The following COMMD1 variants were observed in gnomAD, a reference collection of about 807,000 sequenced individuals.
COMMD1 encodes COMM domain-containing protein 1.
COMMD1 carries 10 observed loss-of-function variants against 17.2 expected under a neutral mutation model. The ratio of observed to expected loss-of-function variants is 0.58; its 90% confidence interval spans 0.36 to 0.99. The LOEUF (loss-of-function observed/expected upper bound fraction) is 0.99. COMMD1 is among the 50% of genes least tolerant of loss of function. COMMD1 has a pLI of 0.01. For synonymous variants in COMMD1, 97 were observed against 91.6 expected (o/e 1.06, Z -0.34); for missense variants, 270 against 231.8 (o/e 1.17, Z -1.07).
chr2:62,048,631 A>T (rs999537081), intron 2 of COMMD1, among the ~76,000 whole-genome samples: 2 of 152,090 alleles, frequency 1.3e-5, no homozygotes, highest in African/African-American at 4.8e-5. Context: ...ATTGTATGGT[A>T]AAGTTTATAC....
chr2:62,063,290 AG>A (rs1238505714), intron 2 of COMMD1, among the ~76,000 whole-genome samples: 3 of 152,114 alleles, frequency 2.0e-5, no homozygotes, highest in African/African-American at 7.2e-5. Context: ...CTCAGCTACT[AG>A]GGAGCCTGAG....
At chr2:62,096,969 G>A (rs545819269) in intron 2 of COMMD1, among the ~76,000 whole-genome samples, 4 of 152,288 alleles carry the variant, frequency 2.6e-5, no homozygotes, top group South Asian at 4.1e-4. Flanking sequence ...GAGTAGCCCT[G>A]GGGTAAGACT....
At chr2:62,050,462 A>T (rs146131318) in intron 2 of COMMD1, among the ~76,000 whole-genome samples, 5 of 152,354 alleles carry the variant, frequency 3.3e-5, no homozygotes, top group Non-Finnish European at 7.4e-5. Context: ...TTCTTAAAAC[A>T]CTGTATGCAT....
At chr2:62,074,458 A>G (rs989602974) in intron 2 of COMMD1, among the ~76,000 whole-genome samples, 2 of 152,234 alleles carry the variant, frequency 1.3e-5, no homozygotes, top group South Asian at 2.1e-4. Context: ...AGGGCCCACC[A>G]TGAATAACAA....
chr2:62,030,495 C>T (rs940717374), intron 2 of COMMD1, among the ~76,000 whole-genome samples: 1 of 152,168 alleles, frequency 6.6e-6, no homozygotes, highest in Non-Finnish European at 1.5e-5. Context: ...AGCACCCCCT[C>T]CACCAATTGT....
intron 2 of COMMD1, among the ~76,000 whole-genome samples, chr2:62,116,438 G>A (rs6725188): frequency 0.052 from 7,952 of 152,134 alleles, 708 homozygotes; most frequent in African/African-American, 0.18. Flanking sequence ...TTGGGAGGCC[G>A]AGGCAGGCGG....
chr2:62,005,480 T>C (rs945533457), intron 2 of COMMD1, among the ~76,000 whole-genome samples: 39 of 152,072 alleles, frequency 2.6e-4, no homozygotes, highest in Non-Finnish European at 2.8e-4. Context: ...GAATCTACAA[T>C]GAACTCAAAC....
chr2:61,918,023 T>G (rs1317300075), intron 1 of COMMD1, among the ~76,000 whole-genome samples: 1 of 152,172 alleles, frequency 6.6e-6, no homozygotes, highest in Admixed American at 6.6e-5. Context: ...AGTAATTCTG[T>G]TTTTCTACTG....
At chr2:62,064,654 A>G (rs1378383458) in intron 2 of COMMD1, among the ~76,000 whole-genome samples, 1 of 152,034 alleles carries the variant, frequency 6.6e-6, no homozygotes, top group Non-Finnish European at 1.5e-5. Flanking sequence ...GCCCTCAGGT[A>G]TTGTCTTCTG....
intron 2 of COMMD1, among the ~76,000 whole-genome samples, chr2:62,098,074 A>G (rs1163459581): frequency 6.6e-6 from 1 of 151,556 alleles, no homozygotes; most frequent in African/African-American, 2.4e-5. Flanking sequence ...TCTGGGGACC[A>G]TGGGACCCTT....
chr2:61,891,453 T>C (rs1183458439), intron 1 of COMMD1, among the ~76,000 whole-genome samples: 1 of 152,190 alleles, frequency 6.6e-6, no homozygotes, highest in South Asian at 2.1e-4. Flanking sequence ...AACCTAAACA[T>C]GGCCGGGCGT....
chr2:61,894,060 A>G (rs1334557304), intron 1 of COMMD1, among the ~76,000 whole-genome samples: 2 of 152,154 alleles, frequency 1.3e-5, no homozygotes, highest in Admixed American at 1.3e-4. Flanking sequence ...CAACATAGCA[A>G]AACCCCATCA....
chr2:61,976,807 A>G (rs1243038504), intron 1 of COMMD1, among the ~76,000 whole-genome samples: 3 of 152,136 alleles, frequency 2.0e-5, no homozygotes, highest in African/African-American at 7.2e-5. Context: ...ATGCATTGTA[A>G]CAAATGTACC....
At chr2:61,915,803 G>A (rs1281165075) in intron 1 of COMMD1, 3 of 361,532 alleles carry the variant, frequency 8.3e-6, no homozygotes, top group African/African-American at 4.4e-5. Flanking sequence ...GCCTTTTATA[G>A]CCTTTATTTA....
chr2:62,016,649 A>C (rs1289583499), intron 2 of COMMD1, among the ~76,000 whole-genome samples: 1 of 151,050 alleles, frequency 6.6e-6, no homozygotes, highest in Non-Finnish European at 1.5e-5. Context: ...ATTTGCAAAT[A>C]TTTTCTCCCG....
chr2:61,979,433 C>T (rs13386855), intron 1 of COMMD1, among the ~76,000 whole-genome samples: 17,308 of 151,970 alleles, frequency 0.11, 2,345 homozygotes, highest in African/African-American at 0.32. Flanking sequence ...GCCGAGATCA[C>T]GCCACTGCAC....
upstream of COMMD1, chr2:61,888,439 G>A (rs768903074): frequency 2.5e-6 from 4 of 1,612,292 alleles, no homozygotes; most frequent in Non-Finnish European, 2.5e-6. Context: ...GGTCCTGATA[G>A]GCGCCTTTCC....
At chr2:61,972,480 G>A (rs1478583163) in intron 1 of COMMD1, among the ~76,000 whole-genome samples, 1 of 152,138 alleles carries the variant, frequency 6.6e-6, no homozygotes, top group East Asian at 1.9e-4. Flanking sequence ...TAAGAAGTAG[G>A]GTATGGAAAG....
intron 1 of COMMD1, among the ~76,000 whole-genome samples, chr2:61,910,831 C>T (rs527619810): frequency 6.6e-6 from 1 of 152,168 alleles, no homozygotes; most frequent in Admixed American, 6.5e-5. Context: ...CGCCTGTCAT[C>T]CCAGCACTTT....
Sources: allele counts gnomAD v4.1 joint callset (sites outside exome capture counted in the v4.1 genomes callset), GRCh38; gene constraint gnomAD v4.1.1; transcripts MANE v1.5; gene names NCBI Gene and HGNC (gene_info 2026-07-23, HGNC 2026-07-21).